PDE10A: variants seen among roughly 807,000 people sequenced by gnomAD.
PDE10A encodes cAMP and cAMP-inhibited cGMP 3',5'-cyclic phosphodiesterase 10A.
Under a neutral mutation model 97.7 loss-of-function variants are expected in PDE10A, and 39 were observed. That is an observed-to-expected ratio of 0.40 (90% CI 0.31 to 0.52). The LOEUF (loss-of-function observed/expected upper bound fraction) is 0.52, where lower values mean the gene tolerates loss of function less well. Among genes scored for constraint, PDE10A ranks in the 20% least tolerant of loss-of-function variants. PDE10A has a pLI of 0.56. For synonymous variants in PDE10A, 371 were observed against 376.8 expected (o/e 0.98, Z 0.18); for missense variants, 731 against 1,047.8 (o/e 0.70, Z 4.17).
At chr6:165,676,205 TCA>T (rs760844004) in intron 1 of PDE10A, among the ~76,000 whole-genome samples, 32 of 152,174 alleles carry the variant, frequency 2.1e-4, no homozygotes, top group Non-Finnish European at 4.3e-4. Context: ...CAGAGTGGAA[TCA>T]CAGACTTTGG....
intron 1 of PDE10A, among the ~76,000 whole-genome samples, chr6:165,799,278 C>G (rs1297837314): frequency 1.3e-5 from 2 of 152,144 alleles, no homozygotes; most frequent in African/African-American, 2.4e-5. Context: ...GAGGGCAGGT[C>G]TATGTACCCC....
At chr6:165,349,871 C>A (rs184390454) in intron 18 of PDE10A, among the ~76,000 whole-genome samples, 10 of 152,274 alleles carry the variant, frequency 6.6e-5, no homozygotes, top group Admixed American at 6.5e-4. Context: ...TGGTGTTGGG[C>A]CTGAGGGTAC....
rs1402003409 is a variant in PDE10A at position 165,388,195 on chromosome 6, GC to G, written c.2610+102del. The G allele has an allele frequency of 2.1e-6, 2 of 973,896 alleles. No homozygotes were observed. Among genetic ancestry groups the G allele is most frequent in the African/African-American group, 1.6e-5 (1 of 61,270 alleles). The allele number at this position is 973,896 out of a possible 1,614,324, so 60.3% of individuals were successfully genotyped here. A position where few individuals can be genotyped will look rare whatever the true frequency, so the allele number is the denominator to read the frequency against. ...GGTTCTACAATAAAAAGTAGCTGTT[GC>G]TTTTAAGGAAGCCATAATGATCTTC... On this transcript the variant is annotated intron_variant, in intron 17 of 21. Transcript: ENST00000539869. This position sits in a 1 kb window ranked among gnomAD's most constrained non-coding sequence, Gnocchi z 4.0.
At chr6:165,897,401 G>T (rs1012392658) in intron 1 of PDE10A, among the ~76,000 whole-genome samples, 2 of 152,072 alleles carry the variant, frequency 1.3e-5, no homozygotes. Context: ...GTCTGGGAGT[G>T]GGCACCATCC....
chr6:165,934,184 G>A (rs969261513), intron 1 of PDE10A, among the ~76,000 whole-genome samples: 1 of 144,382 alleles, frequency 6.9e-6, no homozygotes, highest in Non-Finnish European at 1.5e-5. Context: ...ACTTTTAGTG[G>A]AGATGGGGTT....
intron 1 of PDE10A, among the ~76,000 whole-genome samples, chr6:165,938,563 T>C (rs902270744): frequency 6.6e-6 from 1 of 152,114 alleles, no homozygotes; most frequent in Non-Finnish European, 1.5e-5. Context: ...ATCCTTGGGA[T>C]TCAAGTCAGG....
intron 1 of PDE10A, among the ~76,000 whole-genome samples, chr6:165,764,887 G>T (rs1361295585): frequency 1.3e-5 from 2 of 152,112 alleles, no homozygotes; most frequent in African/African-American, 4.8e-5. Flanking sequence ...CCCCACCCAC[G>T]TCCTGCTGAT....
intron 10 of PDE10A, among the ~76,000 whole-genome samples, chr6:165,425,163 G>A (rs551438074): frequency 1.3e-5 from 2 of 152,074 alleles, no homozygotes; most frequent in African/African-American, 4.8e-5. Flanking sequence ...GAAAACTAAA[G>A]ACTATAAACT....
Position 165,536,790 on chromosome 6 carries a change from A to C in PDE10A, c.994+6650T>G, listed in dbSNP as rs187688198. 3.0e-4 allele frequency among the ~76,000 whole-genome samples: 46 copies of C among 152,138 alleles called. 1 individual carries two copies. In the East Asian group the frequency reaches 8.1e-3, roughly 27 times the overall value. On this transcript the variant is annotated intron_variant, in intron 2 of 21. Coordinates refer to ENST00000539869, the MANE Select transcript of PDE10A (RefSeq NM_001385079.1). ...TCAGTTAAAATGACTGTTGTCAAAA[A>C]AGACAGAAAACAACAAATGCTGGCG...
chr6:165,740,602 G>A (rs1459670035), intron 1 of PDE10A, among the ~76,000 whole-genome samples: 1 of 152,068 alleles, frequency 6.6e-6, no homozygotes, highest in African/African-American at 2.4e-5. Flanking sequence ...CAAAGTGCTG[G>A]GATTACAAGT....
At chr6:165,685,302 A>T (rs1791084971) in intron 1 of PDE10A, among the ~76,000 whole-genome samples, 1 of 152,124 alleles carries the variant, frequency 6.6e-6, no homozygotes, top group South Asian at 2.1e-4. Context: ...CAATTTCATC[A>T]GCAGCATAAA....
At chr6:165,920,677 C>T (rs986865359) in intron 1 of PDE10A, among the ~76,000 whole-genome samples, 4 of 152,166 alleles carry the variant, frequency 2.6e-5, no homozygotes, top group Non-Finnish European at 4.4e-5. Flanking sequence ...GATGTTTTCA[C>T]TGCTTCTTTC....
At chr6:165,343,701 C>T (rs779911493) in intron 18 of PDE10A, among the ~76,000 whole-genome samples, 199 bp from the exon 19 acceptor site, 1 of 152,160 alleles carries the variant, frequency 6.6e-6, no homozygotes, top group Admixed American at 6.5e-5. Context: ...TCACTTCTAT[C>T]ACAAGTCCCG....
intron 1 of PDE10A, among the ~76,000 whole-genome samples, chr6:165,736,903 C>T (rs1198847152): frequency 1.3e-5 from 2 of 152,008 alleles, no homozygotes; most frequent in African/African-American, 4.8e-5. Flanking sequence ...AATTGACAAA[C>T]GTTTAGTTGA....
At chr6:165,786,204 C>T (rs891526448) in intron 1 of PDE10A, among the ~76,000 whole-genome samples, 9 of 152,190 alleles carry the variant, frequency 5.9e-5, no homozygotes, top group Non-Finnish European at 8.8e-5. Flanking sequence ...CAATTTCACA[C>T]ATAGAGAAAA....
chr6:165,400,900 G>A (rs189062265), intron 13 of PDE10A, among the ~76,000 whole-genome samples: 138 of 152,200 alleles, frequency 9.1e-4, no homozygotes, highest in Non-Finnish European at 1.5e-3. Context: ...AACTGTTTAC[G>A]TACACAACAC....
intron 12 of PDE10A, 150 bp from the exon 13 acceptor site, chr6:165,413,837 G>A (rs1788087197): frequency 5.0e-6 from 3 of 605,506 alleles, no homozygotes; most frequent in Non-Finnish European, 8.8e-6. Flanking sequence ...TCTACATTCA[G>A]GGACAGTAAC....
intron 2 of PDE10A, among the ~76,000 whole-genome samples, chr6:165,499,842 T>G (rs369107033): frequency 4.6e-5 from 7 of 152,198 alleles, no homozygotes; most frequent in African/African-American, 1.7e-4. Context: ...CACAAGGCAA[T>G]GCAAGACAGT....
At chr6:165,443,741 C>T (rs1271882751) in intron 5 of PDE10A, among the ~76,000 whole-genome samples, 5 of 152,196 alleles carry the variant, frequency 3.3e-5, no homozygotes, top group African/African-American at 1.2e-4. Context: ...TGGAGGCTCC[C>T]ACACTCTTGC....
Sources: allele counts gnomAD v4.1 joint callset (sites outside exome capture counted in the v4.1 genomes callset), GRCh38; gene constraint gnomAD v4.1.1; non-coding constraint Gnocchi (gnomAD v3.1); transcripts MANE v1.5; gene names NCBI Gene and HGNC (gene_info 2026-07-23, HGNC 2026-07-21).